The following UGT1A1 variants were observed in gnomAD, a reference collection of about 807,000 sequenced individuals.
The protein encoded by UGT1A1 is UDP-glucuronosyltransferase 1A1.
In UGT1A1, 33 loss-of-function variants were observed where a neutral mutation model predicts 40.6. The observed-to-expected ratio is 0.81, with a 90% CI of 0.62 to 1.09. The LOEUF (loss-of-function observed/expected upper bound fraction) is 1.09, where lower values mean the gene tolerates loss of function less well. Ranked by LOEUF, UGT1A1 falls within the 50% of genes least tolerant of loss-of-function variation. UGT1A1 has a pLI of 0.00. For missense variants in UGT1A1, 694 were observed against 671.2 expected (o/e 1.03, Z -0.38); for synonymous variants, 249 against 265.0 (o/e 0.94, Z 0.59).
chr2:233,772,992 CT>C lies in UGT1A1; in HGVS notation c.*434del. The C allele has an allele frequency of 1.2e-5, 3 of 257,330 alleles. No individual in the cohort carries two copies. Among genetic ancestry groups the C allele is most frequent in the South Asian group, 5.0e-5 (1 of 19,850 alleles). The allele number at this position is 257,330 out of a possible 1,614,324, so 15.9% of individuals were successfully genotyped here. Reference sequence around the variant, plus strand: ...TTAACCAATAATGGTCAGTCCTCATCTCTGTCGTGCTTCATAGGTGCCACCT... The same window carrying C: ...TTAACCAATAATGGTCAGTCCTCATCCTGTCGTGCTTCATAGGTGCCACCT... On this transcript the variant is annotated 3_prime_UTR_variant, in exon 5 of 5. Transcript: ENST00000305208.
At chr2:233,768,945 T>C (rs1365506143) in intron 4 of UGT1A1, among the ~76,000 whole-genome samples, 1 of 152,204 alleles carries the variant, frequency 6.6e-6, no homozygotes, top group Admixed American at 6.5e-5. Context: ...TTCTTTAGTT[T>C]CTATATAATT....
intron 1 of UGT1A1, among the ~76,000 whole-genome samples, chr2:233,765,525 A>G (rs1329952354): frequency 6.6e-6 from 1 of 152,210 alleles, no homozygotes; most frequent in East Asian, 1.9e-4. Flanking sequence ...CAAACACCGC[A>G]TGTTCTCACT....
rs8330 is a variant in UGT1A1 at position 233,772,999 on chromosome 2, G to C, written c.*440G>C. ...ATAATGGTCAGTCCTCATCTCTGTC[G>C]TGCTTCATAGGTGCCACCTTGTGTG... On this transcript the variant is annotated 3_prime_UTR_variant, in exon 5 of 5. Transcript: ENST00000305208. 179,059 of 238,554 alleles carry C rather than the reference G, an allele frequency of 0.75. 68,191 individuals carry two copies. Among genetic ancestry groups the C allele is most frequent in the East Asian group, 0.88 (8,737 of 9,894 alleles). The allele number at this position is 238,554 out of a possible 1,614,324, so 14.8% of individuals were successfully genotyped here.
intron 1 of UGT1A1, among the ~76,000 whole-genome samples, chr2:233,761,928 C>A (rs183537343): frequency 6.6e-6 from 1 of 152,346 alleles, no homozygotes; most frequent in Non-Finnish European, 1.5e-5. Flanking sequence ...AGCCCAGGCA[C>A]TTCCCAGGTG....
intron 2 of UGT1A1, 118 bp from the exon 3 acceptor site, chr2:233,767,727 TCCTC>T (rs945662817): frequency 4.7e-5 from 73 of 1,556,206 alleles, no homozygotes; most frequent in Non-Finnish European, 6.3e-5. Context: ...CAGTTACTGA[TCCTC>T]CCACTCTGTT....
chr2:233,764,256 T>A (rs367961142), intron 1 of UGT1A1, among the ~76,000 whole-genome samples: 39 of 152,260 alleles, frequency 2.6e-4, no homozygotes, highest in African/African-American at 9.4e-4. Context: ...TCAGTTAATA[T>A]GTTGCTTCAC....
rs529174964 is a variant in UGT1A1, at chr2:233,763,096, G to C, written c.864+1945G>C. Among the ~76,000 whole-genome samples the C allele has an allele frequency of 2.0e-5, 3 of 152,310 alleles. No individual in the cohort carries two copies. The East Asian group carries it at 5.8e-4, about 29-fold the overall frequency. On this transcript the variant is annotated intron_variant, in intron 1 of 4. Transcript: ENST00000305208. Reference sequence around the variant, plus strand: ...TTGCGTGAGGATGTTTGTAGGAGAGGCACCGAACTTTATCAGCTGCCTTTC... The same window carrying C: ...TTGCGTGAGGATGTTTGTAGGAGAGCCACCGAACTTTATCAGCTGCCTTTC...
intron 1 of UGT1A1, among the ~76,000 whole-genome samples, chr2:233,763,089 A>C (rs1698233437): frequency 6.6e-6 from 1 of 152,238 alleles, no homozygotes; most frequent in South Asian, 2.1e-4. Flanking sequence ...GGATGTTTGT[A>C]GGAGAGGCAC....
chr2:233,764,974 G>A (rs1027319616), intron 1 of UGT1A1, among the ~76,000 whole-genome samples: 4 of 152,116 alleles, frequency 2.6e-5, no homozygotes, highest in African/African-American at 9.7e-5. Flanking sequence ...GAGAAGGATG[G>A]TCAGTGTCTG....
At chr2:233,761,295 T>C in intron 1 of UGT1A1, 144 bp downstream of exon 1, 1 of 1,507,920 alleles carries the variant, frequency 6.6e-7, no homozygotes. Flanking sequence ...GACTCCTAGG[T>C]TTGAGTCTGT....
At chr2:233,763,355 T>C (rs1340050072) in intron 1 of UGT1A1, among the ~76,000 whole-genome samples, 1 of 152,264 alleles carries the variant, frequency 6.6e-6, no homozygotes, top group Non-Finnish European at 1.5e-5. Context: ...ACATCTTTAG[T>C]ACTCCTTTGT....
rs542172440 is a variant in UGT1A1 at position 233,772,689 on chromosome 2, A to C, written c.*130A>C. ...CTTTGCATAAATTAATCAGCCCCAG[A>C]GTGCTTTAAAAAATTCTCTTAAATA... On this transcript the variant is annotated 3_prime_UTR_variant, in exon 5 of 5. Transcript: ENST00000305208. 4.0e-6 allele frequency: 6 copies of C among 1,492,458 alleles called. No homozygotes were observed. In the African/African-American group the frequency reaches 8.5e-5, roughly 21 times the overall value. 92.5% of individuals were successfully genotyped at this position (1,492,458 alleles called of 1,614,324 possible). A position where few individuals can be genotyped will look rare whatever the true frequency, so the allele number is the denominator to read the frequency against.
Position 233,772,682 on chromosome 2 carries a change from G to T in UGT1A1, c.*123G>T. 2.0e-6 allele frequency: 3 copies of T among 1,494,758 alleles called. No individual in the cohort carries two copies. Among genetic ancestry groups the T allele is most frequent in the East Asian group, 2.5e-5 (1 of 40,656 alleles). 92.6% of individuals were successfully genotyped at this position (1,494,758 alleles called of 1,614,324 possible). A position where few individuals can be genotyped will look rare whatever the true frequency, so the allele number is the denominator to read the frequency against. ...GGAAATACTTTGCATAAATTAATCA[G>T]CCCCAGAGTGCTTTAAAAAATTCTC... On this transcript the variant is annotated 3_prime_UTR_variant, in exon 5 of 5. Coordinates refer to ENST00000305208, the MANE Select transcript of UGT1A1 (RefSeq NM_000463.3).
chr2:233,762,543 G>A (rs1248994186), intron 1 of UGT1A1, among the ~76,000 whole-genome samples: 10 of 152,184 alleles, frequency 6.6e-5, no homozygotes, highest in Admixed American at 6.5e-4. Flanking sequence ...GTACCACAGT[G>A]TATTCTGCTG....
chr2:233,772,292 C>A lies in UGT1A1; in HGVS notation c.1335C>A (p.Ser445Arg), dbSNP rs778015980. 2 of 1,614,246 alleles carry A rather than the reference C, an allele frequency of 1.2e-6. No homozygotes were observed. Among genetic ancestry groups the A allele is most frequent in the Admixed American group, 3.3e-5 (2 of 60,030 alleles). Residue 445 changes from serine (S) to arginine (R), a missense_variant, in exon 5 of 5, where the codon AGC becomes AGA. By Grantham distance (110) the Ser-to-Arg change is moderately radical (BLOSUM62 -1). Coordinates refer to ENST00000305208, the MANE Select transcript of UGT1A1 (RefSeq NM_000463.3). ...SYKENIMRLSSLHKDRPVEPL... is the reference protein window; with the variant it reads ...SYKENIMRLSRLHKDRPVEPL... ...AGGAGAACATCATGCGCCTCTCCAG[C>A]CTTCACAAGGACCGCCCGGTGGAGC... is the stretch of plus-strand genomic sequence containing the variant.
In UGT1A1 at chr2:233,769,617, A is replaced by AG; in HGVS notation, c.1304+1179dup. 6.2e-7 allele frequency: 1 copy of AG among 1,612,702 alleles called. No individual in the cohort carries two copies. The highest frequency in any genetic ancestry group is 2.2e-5 in the East Asian group (1 of 44,882). On this transcript the variant is annotated intron_variant, in intron 4 of 4. Coordinates refer to ENST00000305208, the MANE Select transcript of UGT1A1 (RefSeq NM_000463.3). The surrounding 1 kb of genome is among the most constrained non-coding windows in gnomAD (Gnocchi z 4.4). ...CGGAACACGGGGACACACCAGCTTG[A>AG]GCAAGGGACAACAGGGGAGGACTGA...
rs1003147991 is a variant in UGT1A1 at position 233,772,600 on chromosome 2, T to C, written c.*41T>C. 1 of 1,591,692 alleles carries C rather than the reference T, an allele frequency of 6.3e-7. No homozygotes were observed. The highest frequency in any genetic ancestry group is 8.6e-7 in the Non-Finnish European group (1 of 1,168,178). ...TAAGGTAAAATTTTGAACCATTCCC[T>C]AGTCATTTCCAAACTTGAAAACAGA... On this transcript the variant is annotated 3_prime_UTR_variant, in exon 5 of 5. Coordinates refer to ENST00000305208, the MANE Select transcript of UGT1A1 (RefSeq NM_000463.3).
rs917335869 is a variant in UGT1A1, at chr2:233,769,898, A to C, written c.1304+1459A>C. 2.9e-6 allele frequency: 1 copy of C among 349,938 alleles called. No individual in the cohort carries two copies. Among genetic ancestry groups the C allele is most frequent in the Non-Finnish European group, 5.1e-6 (1 of 194,280 alleles). The allele number at this position is 349,938 out of a possible 1,614,324, so 21.7% of individuals were successfully genotyped here. Reference sequence around the variant, plus strand: ...AATGAAAAGTCCACATAACCTGAGCATCATGTGCCCAGAGCGTTGGGTGGT... The same window carrying C: ...AATGAAAAGTCCACATAACCTGAGCCTCATGTGCCCAGAGCGTTGGGTGGT... On this transcript the variant is annotated intron_variant, in intron 4 of 4. Transcript: ENST00000305208. The surrounding 1 kb of genome is among the most constrained non-coding windows in gnomAD (Gnocchi z 4.4).
Position 233,767,908 on chromosome 2 carries a change from T to C in UGT1A1, c.1056T>C (p.Val352=). ...PSNLANNTIL[V]KWLPQNDLLG... ...ATCTTGCGAACAACACGATACTTGT[T>C]AAGTGGCTACCCCAAAACGATCTGC... The change falls in exon 3 of 5, where the codon GTT becomes GTC. Residue 352 remains valine (V), a synonymous_variant. Coordinates refer to ENST00000305208, the MANE Select transcript of UGT1A1 (RefSeq NM_000463.3). 6.2e-7 allele frequency: 1 copy of C among 1,614,222 alleles called. No individual in the cohort carries two copies.
Sources: allele counts gnomAD v4.1 joint callset (sites outside exome capture counted in the v4.1 genomes callset), GRCh38; gene constraint gnomAD v4.1.1; non-coding constraint Gnocchi (gnomAD v3.1); transcripts MANE v1.5; gene names NCBI Gene and HGNC (gene_info 2026-07-23, HGNC 2026-07-21).